The following NGF variants were observed in gnomAD, a reference collection of about 807,000 sequenced individuals.
The protein encoded by NGF is beta-nerve growth factor.
A neutral mutation model predicts 12.8 loss-of-function variants in NGF; 4 were observed. The ratio of observed to expected loss-of-function variants is 0.31; its 90% CI spans 0.15 to 0.72. NGF has a LOEUF of 0.72. NGF is among the 30% of genes least tolerant of loss of function. The pLI is 0.69. For synonymous variants in NGF, 140 were observed against 130.0 expected, an observed-to-expected ratio of 1.08 and a Z score of -0.52; for missense variants, 283 against 330.8, an observed-to-expected ratio of 0.86 and a Z score of 1.12.
chr1:115,285,995 A>G lies in NGF; in HGVS notation c.*75T>C, dbSNP rs757967985. The G allele has an allele frequency of 3.2e-6, 5 of 1,541,072 alleles. No individual in the cohort carries two copies. Among genetic ancestry groups the G allele is most frequent in the Non-Finnish European group, 4.4e-6 (5 of 1,142,988 alleles). The stretch of plus-strand genomic sequence containing the variant: ...TTACCATGCAGTCCTTATAATTTAA[A>G]ATAATTTACAGGTTGAGGTAGGGAG... On this transcript the variant is annotated 3_prime_UTR_variant, in exon 3 of 3. Transcript: ENST00000369512.
At chr1:115,297,599 T>C (rs548921580) in intron 1 of NGF, among the ~76,000 whole-genome samples, 3 of 152,324 alleles carry the variant, frequency 2.0e-5, no homozygotes, top group Admixed American at 6.5e-5. Flanking sequence ...ATGCATAGTT[T>C]AAGGAAACTG....
At chr1:115,303,805 A>G (rs983888655) in intron 1 of NGF, among the ~76,000 whole-genome samples, 2 of 152,222 alleles carry the variant, frequency 1.3e-5, no homozygotes, top group African/African-American at 4.8e-5. Flanking sequence ...ATAGGCCATC[A>G]GTAGAATCAC....
chr1:115,310,758 A>G (rs1654315623), intron 1 of NGF, among the ~76,000 whole-genome samples: 2 of 152,036 alleles, frequency 1.3e-5, no homozygotes, highest in Admixed American at 6.6e-5. Context: ...AGGTTTGTAT[A>G]TATGACAGCT....
intron 1 of NGF, among the ~76,000 whole-genome samples, chr1:115,327,549 T>G (rs1282573660): frequency 6.6e-6 from 1 of 152,176 alleles, no homozygotes; most frequent in Non-Finnish European, 1.5e-5. Flanking sequence ...TGAACACAGG[T>G]GAAAGGAAAG....
At position 115,286,146 on chromosome 1, in the gene NGF, T is replaced by C; in HGVS notation, c.650A>G (p.Gln217Arg). 1 of 1,613,718 alleles carries C rather than the reference T, an allele frequency of 6.2e-7. No homozygotes were observed. The highest frequency in any genetic ancestry group is 8.5e-7 in the Non-Finnish European group (1 of 1,179,686). Residue 217 changes from glutamine to arginine, a missense_variant, in exon 3 of 3, where the codon CAG becomes CGG. Gln to Arg is a conservative substitution (Grantham distance 43). This residue lies in a region of NGF where 132 missense variants were observed against 189.2 expected (regional missense o/e 0.70). Transcript: ENST00000369512. ...TATCCGGATAAACCGCCAGGCAGCC[T>C]GCTTGCCATCCATGGTCAGCGCCTT... ...FVKALTMDGKQAAWRFIRIDT... is the reference protein window; with the variant it reads ...FVKALTMDGKRAAWRFIRIDT...
At chr1:115,296,887 CCTGT>C (rs1363497695) in intron 1 of NGF, among the ~76,000 whole-genome samples, 1 of 152,116 alleles carries the variant, frequency 6.6e-6, no homozygotes, top group Non-Finnish European at 1.5e-5. Flanking sequence ...TTTTTAAAAC[CCTGT>C]CTGTTTTCAT....
At chr1:115,294,095 C>A (rs948377768) in intron 1 of NGF, among the ~76,000 whole-genome samples, 4 of 152,224 alleles carry the variant, frequency 2.6e-5, no homozygotes, top group Non-Finnish European at 5.9e-5. Flanking sequence ...AGAAATTGTT[C>A]AGTACATTAC....
At chr1:115,316,985 A>G (rs1285711048) in intron 1 of NGF, among the ~76,000 whole-genome samples, 6 of 152,150 alleles carry the variant, frequency 3.9e-5, no homozygotes, top group Non-Finnish European at 7.3e-5. Context: ...ACATCCTTCC[A>G]GAATTGTCCA....
intron 1 of NGF, among the ~76,000 whole-genome samples, chr1:115,319,337 T>C (rs1267603540): frequency 6.6e-6 from 1 of 152,158 alleles, no homozygotes; most frequent in East Asian, 1.9e-4. Context: ...CTCCACATTC[T>C]GTATGCACTG....
intron 2 of NGF, among the ~76,000 whole-genome samples, chr1:115,292,754 G>A (rs1245293742): frequency 6.6e-6 from 1 of 152,176 alleles, no homozygotes; most frequent in East Asian, 1.9e-4. Context: ...TCAACAGATT[G>A]TAAGTTTTAC....
intron 1 of NGF, among the ~76,000 whole-genome samples, chr1:115,295,914 A>T (rs1653852433): frequency 6.6e-6 from 1 of 152,236 alleles, no homozygotes. Context: ...ACAAAGGAGA[A>T]TAAGACATAA....
rs1264536124 is a variant in NGF at position 115,333,487 on chromosome 1, T to TAATA, written c.-137+4713_-137+4716dup. ...GAAATCCTGACTGTCTGACTCTGAC[T>TAATA]AATAGTACTACTAAAAAAAAAAAAA... On this transcript the variant is annotated intron_variant, in intron 1 of 2. Transcript: ENST00000369512. 4.2e-5 allele frequency among the ~76,000 whole-genome samples: 5 copies of TAATA among 120,420 alleles called. No homozygotes were observed. In the Admixed American group the frequency reaches 5.0e-4, roughly 12 times the overall value. The allele number at this position is 120,420 out of a possible 152,430, so 79.0% of individuals were successfully genotyped here. A position where few individuals can be genotyped will look rare whatever the true frequency, so the allele number is the denominator to read the frequency against.
chr1:115,318,449 A>G (rs973802840), intron 1 of NGF, among the ~76,000 whole-genome samples: 1 of 152,172 alleles, frequency 6.6e-6, no homozygotes, highest in African/African-American at 2.4e-5. Flanking sequence ...CAGTGTCAGG[A>G]AAAGGAGTAG....
chr1:115,287,527 C>G (rs1653552175), intron 2 of NGF, among the ~76,000 whole-genome samples: 1 of 152,126 alleles, frequency 6.6e-6, no homozygotes, highest in Non-Finnish European at 1.5e-5. Context: ...GTGTTCACTT[C>G]TATCTTCTCA....
At chr1:115,308,204 A>C (rs1654250741) in intron 1 of NGF, among the ~76,000 whole-genome samples, 1 of 152,188 alleles carries the variant, frequency 6.6e-6, no homozygotes, top group Non-Finnish European at 1.5e-5. Context: ...GGCTGCAGAG[A>C]GGCTGTCTCA....
At chr1:115,333,410 C>T (rs1169496078) in intron 1 of NGF, among the ~76,000 whole-genome samples, 1 of 147,812 alleles carries the variant, frequency 6.8e-6, no homozygotes. Context: ...ACAGGCGGTG[C>T]CAAAAGTGCC....
rs11466083 is a variant in NGF, at chr1:115,313,110, G to C, written c.-136-19360C>G. Among the ~76,000 whole-genome samples, 621 of 152,292 alleles carry C rather than the reference G, an allele frequency of 4.1e-3. 4 individuals are homozygous for C. Among genetic ancestry groups the C allele is most frequent in the Non-Finnish European group, 7.2e-3 (488 of 68,012 alleles). On this transcript the variant is annotated intron_variant, in intron 1 of 2. Coordinates refer to ENST00000369512, the MANE Select transcript of NGF (RefSeq NM_002506.3). ...AACTGTGGTTTGGGAATTTTATAGA[G>C]AGAGGAAAAAGAAAGTTCTGTCCCT...
chr1:115,337,808 C>T (rs1016240736), intron 1 of NGF, among the ~76,000 whole-genome samples: 1 of 152,044 alleles, frequency 6.6e-6, no homozygotes, highest in Admixed American at 6.5e-5. Flanking sequence ...CCCGCCCTGG[C>T]GCGCCAGCTG....
intron 1 of NGF, among the ~76,000 whole-genome samples, chr1:115,304,061 G>A (rs879485597): frequency 1.3e-5 from 2 of 151,870 alleles, no homozygotes; most frequent in African/African-American, 2.4e-5. Context: ...AATAATGTTG[G>A]TTATAAAATT....
Sources: allele counts gnomAD v4.1 joint callset (sites outside exome capture counted in the v4.1 genomes callset), GRCh38; gene constraint gnomAD v4.1.1; regional missense constraint gnomAD v4.1.1; transcripts MANE v1.5; gene names NCBI Gene and HGNC (gene_info 2026-07-23, HGNC 2026-07-21).